The following CACNA1E variants were observed in gnomAD, a reference collection of about 807,000 sequenced individuals.
The protein encoded by CACNA1E is calcium voltage-gated channel subunit alpha1 E.
Under a neutral mutation model 259.2 loss-of-function variants are expected in CACNA1E, and 40 were observed. That is an observed-to-expected ratio of 0.15 (90% CI 0.12 to 0.20). The LOEUF is 0.20. Ranked by LOEUF, CACNA1E falls within the 10% of genes least tolerant of loss-of-function variation. The pLI is 1.00. For synonymous variants in CACNA1E, 1,104 were observed against 1,138.5 expected, an observed-to-expected ratio of 0.97 and a Z score of 0.61; for missense variants, 1,874 against 3,040.1, an observed-to-expected ratio of 0.62 and a Z score of 9.02.
rs1022520714 is a variant in CACNA1E, at chr1:181,803,246, A to G, written c.*4412A>G. On this transcript the variant is annotated 3_prime_UTR_variant, in exon 48 of 48. Coordinates refer to ENST00000367573, the MANE Select transcript of CACNA1E (RefSeq NM_001205293.3). The stretch of plus-strand genomic sequence containing the variant: ...ACAGGAGAGGACTTTATGATGCAGG[A>G]AAGAAGGAAGAAGTGGGTCCCTTGC... 2 of 139,968 alleles carry G rather than the reference A, an allele frequency of 1.4e-5. No homozygotes were observed. Among genetic ancestry groups the G allele is most frequent in the Non-Finnish European group, 3.0e-5 (2 of 66,308 alleles). 8.7% of individuals were successfully genotyped at this position (139,968 alleles called of 1,614,324 possible). A position where few individuals can be genotyped will look rare whatever the true frequency, so the allele number is the denominator to read the frequency against.
At chr1:181,665,511 A>G (rs1228099593) in intron 7 of CACNA1E, among the ~76,000 whole-genome samples, 1 of 152,214 alleles carries the variant, frequency 6.6e-6, no homozygotes, top group Non-Finnish European at 1.5e-5. Flanking sequence ...GGCTTTTTAG[A>G]TAGGTGAAAT....
intron 3 of CACNA1E, among the ~76,000 whole-genome samples, chr1:181,577,373 G>A (rs1438585607): frequency 6.6e-6 from 1 of 152,062 alleles, no homozygotes; most frequent in East Asian, 1.9e-4. Context: ...GATAGACAGG[G>A]GAACCTAAGA....
chr1:181,772,162 G>A lies in CACNA1E; in HGVS notation c.5070G>A (p.Glu1690=). Residue 1690 remains glutamate (E), a synonymous_variant, in exon 37 of 48, where the codon GAG becomes GAA. Transcript: ENST00000367573. ...CCACCGCACCATCAGGGCAGAACGA[G>A]AACGAACGCTGCGGCACCGATCTGG... The part of the protein sequence containing the change: ...PDTTAPSGQN[E]NERCGTDLAY... 1 of 1,613,988 alleles carries A rather than the reference G, an allele frequency of 6.2e-7. No homozygotes were observed. The highest frequency in any genetic ancestry group is 8.5e-7 in the Non-Finnish European group (1 of 1,179,874).
At chr1:181,745,504 C>T (rs1399420181) in intron 25 of CACNA1E, 2 of 325,648 alleles carry the variant, frequency 6.1e-6, no homozygotes, top group Admixed American at 4.0e-5. Context: ...ACCCTGTGAG[C>T]CTTCACAACC....
intron 1 of CACNA1E, among the ~76,000 whole-genome samples, chr1:181,355,056 G>T (rs1439441446): frequency 6.6e-6 from 1 of 152,200 alleles, no homozygotes; most frequent in African/African-American, 2.4e-5. Context: ...CCAGAGAAAG[G>T]TGCAAATTTC....
intron 7 of CACNA1E, among the ~76,000 whole-genome samples, chr1:181,699,959 C>G (rs1325927265): frequency 6.6e-6 from 1 of 152,048 alleles, no homozygotes; most frequent in South Asian, 2.1e-4. Context: ...TTGACAGTTA[C>G]ATAACTGGGT....
intron 7 of CACNA1E, among the ~76,000 whole-genome samples, chr1:181,701,403 A>G (rs1419102325): frequency 6.6e-6 from 1 of 151,520 alleles, no homozygotes; most frequent in Non-Finnish European, 1.5e-5. Flanking sequence ...AGAAAGAAGA[A>G]TATGAAATGC....
chr1:181,795,113 C>A, intron 46 of CACNA1E, 69 bp downstream of exon 46: 2 of 1,303,546 alleles, frequency 1.5e-6, no homozygotes, highest in Non-Finnish European at 2.1e-6. Flanking sequence ...ACTTACTCTC[C>A]AAGGACTGTA....
intron 25 of CACNA1E, among the ~76,000 whole-genome samples, chr1:181,742,145 C>G (rs1215574991): frequency 1.3e-5 from 2 of 152,210 alleles, no homozygotes; most frequent in African/African-American, 4.8e-5. Context: ...CTTTCTCTCA[C>G]TCATGCACCC....
chr1:181,781,859 G>A (rs529333981), intron 39 of CACNA1E, among the ~76,000 whole-genome samples: 1 of 152,266 alleles, frequency 6.6e-6, no homozygotes, highest in Non-Finnish European at 1.5e-5. Flanking sequence ...CTGTGGGATG[G>A]CATATATGGG....
At chr1:181,736,778 G>A (rs1254833305) in intron 22 of CACNA1E, among the ~76,000 whole-genome samples, 1 of 152,188 alleles carries the variant, frequency 6.6e-6, no homozygotes, top group Non-Finnish European at 1.5e-5. Context: ...TTCCAGAAGT[G>A]GATAGAGCCA....
At chr1:181,693,543 T>C (rs1468612654) in intron 7 of CACNA1E, among the ~76,000 whole-genome samples, 1 of 152,164 alleles carries the variant, frequency 6.6e-6, no homozygotes. Context: ...CTTAAGTGAA[T>C]TAATGCAGGA....
intron 3 of CACNA1E, among the ~76,000 whole-genome samples, chr1:181,547,430 T>C (rs1647613560): frequency 6.6e-6 from 1 of 152,282 alleles, no homozygotes; most frequent in Admixed American, 6.5e-5. Flanking sequence ...CCTTTCACGA[T>C]GACACGGGCT....
At chr1:181,537,256 C>T (rs1668249122) in intron 3 of CACNA1E, among the ~76,000 whole-genome samples, 1 of 152,020 alleles carries the variant, frequency 6.6e-6, no homozygotes, top group African/African-American at 2.4e-5. Context: ...TGAACCACCA[C>T]ACCTGGCTAA....
chr1:181,398,433 T>A (rs1656851485), intron 1 of CACNA1E, among the ~76,000 whole-genome samples: 1 of 152,150 alleles, frequency 6.6e-6, no homozygotes, highest in South Asian at 2.1e-4. Context: ...TCATAATAAA[T>A]CTATTGGAGG....
intron 2 of CACNA1E, among the ~76,000 whole-genome samples, chr1:181,453,320 T>C (rs970495878): frequency 6.6e-6 from 1 of 152,336 alleles, no homozygotes; most frequent in South Asian, 2.1e-4. Context: ...GCCTAGAATT[T>C]AGTGATAATT....
At chr1:181,465,602 A>G (rs952554949) in intron 2 of CACNA1E, among the ~76,000 whole-genome samples, 5 of 152,234 alleles carry the variant, frequency 3.3e-5, no homozygotes, top group African/African-American at 1.2e-4. Flanking sequence ...AGTTATATAT[A>G]ATCTAATAGT....
At chr1:181,780,056 G>A (rs1660293346) in intron 38 of CACNA1E, among the ~76,000 whole-genome samples, 1 of 152,132 alleles carries the variant, frequency 6.6e-6, no homozygotes, top group Admixed American at 6.5e-5. Context: ...TGGATGGTCT[G>A]GTCAGAATGA....
At chr1:181,548,272 G>A (rs565346306) in intron 3 of CACNA1E, among the ~76,000 whole-genome samples, 11 of 151,780 alleles carry the variant, frequency 7.2e-5, no homozygotes, top group Non-Finnish European at 1.3e-4. Context: ...TTACAGGTGC[G>A]TGCCACTACC....
Sources: allele counts gnomAD v4.1 joint callset (sites outside exome capture counted in the v4.1 genomes callset), GRCh38; gene constraint gnomAD v4.1.1; transcripts MANE v1.5; gene names NCBI Gene and HGNC (gene_info 2026-07-23, HGNC 2026-07-21).